The following POU2F1 variants were observed in gnomAD, a reference collection of about 807,000 sequenced individuals.
The protein encoded by POU2F1 is POU domain, class 2, transcription factor 1.
POU2F1 carries 16 observed loss-of-function variants against 84.9 expected under a neutral mutation model. The observed-to-expected ratio is 0.19, with a 90% confidence interval of 0.13 to 0.29. The LOEUF is 0.29. Ranked by LOEUF, POU2F1 falls within the 10% of genes least tolerant of loss-of-function variation. The pLI, the probability that POU2F1 is intolerant of heterozygous loss-of-function variation, is 1.00. For missense variants in POU2F1, 738 were observed against 942.6 expected (o/e 0.78, Z 2.84); for synonymous variants, 368 against 368.3 (o/e 1.00, Z 0.01).
At chr1:167,271,300 TTTCC>T (rs1652352599) in intron 1 of POU2F1, among the ~76,000 whole-genome samples, 1 of 152,098 alleles carries the variant, frequency 6.6e-6, no homozygotes, top group Admixed American at 6.6e-5. Context: ...TTTTCCTGAG[TTTCC>T]TTAGAAGCCA....
intron 8 of POU2F1, among the ~76,000 whole-genome samples, chr1:167,389,297 A>G (rs1459205372): frequency 5.3e-5 from 8 of 152,230 alleles, no homozygotes; most frequent in Non-Finnish European, 1.0e-4. Flanking sequence ...CATAAGATAT[A>G]TGTATTCAGA....
rs1647764773 is a variant in POU2F1, at chr1:167,383,979, T to C, written c.813+28T>C. 1.9e-6 allele frequency: 3 copies of C among 1,545,530 alleles called. No individual in the cohort carries two copies. The East Asian group carries it at 6.8e-5, about 35-fold the overall frequency. On this transcript the variant is annotated intron_variant, in intron 8 of 15. Coordinates refer to ENST00000367866, the MANE Select transcript of POU2F1 (RefSeq NM_002697.4). ...CAGTTTTCTTCTATGGGGGCTGCTT[T>C]CTCTTATCATATTGTTTGGGGAGAC... is the stretch of plus-strand genomic sequence containing the variant.
chr1:167,306,101 C>T (rs1196230334), intron 1 of POU2F1, among the ~76,000 whole-genome samples: 1 of 152,214 alleles, frequency 6.6e-6, no homozygotes, highest in African/African-American at 2.4e-5. Context: ...CTTTTGGCAG[C>T]AGCAAATACA....
At chr1:167,367,857 A>G (rs1659780448) in intron 3 of POU2F1, among the ~76,000 whole-genome samples, 1 of 151,950 alleles carries the variant, frequency 6.6e-6, no homozygotes, top group Non-Finnish European at 1.5e-5. Context: ...TCCTGAGCTC[A>G]AGGGATCTTC....
chr1:167,415,943 A>T lies in POU2F1; in HGVS notation c.*133A>T. On this transcript the variant is annotated 3_prime_UTR_variant, in exon 16 of 16. Transcript: ENST00000367866. ...GTGAGGGCAAAGGAGAGAAGGGAGA[A>T]AAAAAAAAAAAAACCACACACACCC... is the stretch of plus-strand genomic sequence containing the variant. 4 of 839,174 alleles carry T rather than the reference A, an allele frequency of 4.8e-6. No individual in the cohort carries two copies. The highest frequency in any genetic ancestry group is 1.8e-5 in the African/African-American group (1 of 55,640). The allele number at this position is 839,174 out of a possible 1,614,324, so 52.0% of individuals were successfully genotyped here. A position where few individuals can be genotyped will look rare whatever the true frequency, so the allele number is the denominator to read the frequency against.
intron 1 of POU2F1, among the ~76,000 whole-genome samples, chr1:167,292,925 CAAAGAA>C (rs979885223): frequency 2.6e-5 from 4 of 151,996 alleles, no homozygotes; most frequent in African/African-American, 9.7e-5. Flanking sequence ...TCTCAATAGA[CAAAGAA>C]AAAGCATTTG....
At chr1:167,329,389 C>T in intron 1 of POU2F1, 2 of 1,454,258 alleles carry the variant, frequency 1.4e-6, no homozygotes, top group South Asian at 2.5e-5. Flanking sequence ...AATGCTTAAT[C>T]GCATATGCAG....
chr1:167,371,363 TA>T (rs1659989100), intron 4 of POU2F1, among the ~76,000 whole-genome samples: 1 of 152,262 alleles, frequency 6.6e-6, no homozygotes, highest in Non-Finnish European at 1.5e-5. Context: ...ATGCTTTGCA[TA>T]ACCAGTTTTA....
At chr1:167,356,163 CTTTTTTTTT>C in intron 2 of POU2F1, among the ~76,000 whole-genome samples, 1 of 129,848 alleles carries the variant, frequency 7.7e-6, no homozygotes, top group African/African-American at 2.8e-5. Context: ...TTTTCTTTTT[CTTTTTTTTT>C]TTTTTTTTTC....
intron 1 of POU2F1, among the ~76,000 whole-genome samples, chr1:167,326,262 A>G (rs914950023): frequency 6.6e-5 from 10 of 152,168 alleles, no homozygotes; most frequent in Admixed American, 3.9e-4. Flanking sequence ...ATGACTGACA[A>G]TCCCACAAAC....
At chr1:167,409,383 T>C (rs111934909) in intron 13 of POU2F1, among the ~76,000 whole-genome samples, 5 of 152,296 alleles carry the variant, frequency 3.3e-5, no homozygotes, top group African/African-American at 1.2e-4. Context: ...GTGAGGTGGT[T>C]GGTGGTATCT....
At chr1:167,401,784 G>A (rs757993397) in intron 13 of POU2F1, among the ~76,000 whole-genome samples, 11 of 152,130 alleles carry the variant, frequency 7.2e-5, no homozygotes, top group Non-Finnish European at 1.2e-4. Flanking sequence ...GGTTATTTCC[G>A]GTCTGAACCT....
At chr1:167,240,900 T>A (rs1336786725) in intron 1 of POU2F1, among the ~76,000 whole-genome samples, 1 of 152,064 alleles carries the variant, frequency 6.6e-6, no homozygotes, top group East Asian at 1.9e-4. Context: ...CCCAGCACAT[T>A]GGGAGGCCTA....
intron 3 of POU2F1, 23 bp from the exon 4 acceptor site, chr1:167,370,138 G>C (rs1659916776): frequency 6.3e-7 from 1 of 1,596,014 alleles, no homozygotes; most frequent in African/African-American, 1.3e-5. Context: ...TATTAAACTA[G>C]AACTTCCCCT....
intron 4 of POU2F1, among the ~76,000 whole-genome samples, chr1:167,371,009 A>G (rs1307194425): frequency 2.0e-5 from 3 of 152,200 alleles, no homozygotes; most frequent in African/African-American, 7.2e-5. Flanking sequence ...GATTGATTTC[A>G]GTGTTGCTAA....
intron 2 of POU2F1, among the ~76,000 whole-genome samples, chr1:167,363,502 A>G (rs1251727477): frequency 2.0e-5 from 3 of 152,218 alleles, no homozygotes; most frequent in African/African-American, 4.8e-5. Context: ...GACAAAACGC[A>G]TGACTTTAAA....
intron 9 of POU2F1, among the ~76,000 whole-genome samples, chr1:167,390,685 G>T (rs1256865019): frequency 6.6e-6 from 1 of 152,200 alleles, no homozygotes; most frequent in African/African-American, 2.4e-5. Context: ...AAGCTATCAG[G>T]AGGCTGAGGT....
At chr1:167,246,119 A>G (rs1027645472) in intron 1 of POU2F1, among the ~76,000 whole-genome samples, 1 of 152,258 alleles carries the variant, frequency 6.6e-6, no homozygotes, top group Non-Finnish European at 1.5e-5. Flanking sequence ...ATGATAGAAC[A>G]TTAAACAACA....
At chr1:167,369,324 C>T (rs1038643827) in intron 3 of POU2F1, among the ~76,000 whole-genome samples, 3 of 152,154 alleles carry the variant, frequency 2.0e-5, no homozygotes, top group African/African-American at 7.2e-5. Flanking sequence ...TGTTTGTGCT[C>T]ACTTGATTAT....
Sources: allele counts gnomAD v4.1 joint callset (sites outside exome capture counted in the v4.1 genomes callset), GRCh38; gene constraint gnomAD v4.1.1; transcripts MANE v1.5; gene names NCBI Gene and HGNC (gene_info 2026-07-23, HGNC 2026-07-21).